The following SNX19 variants were observed in gnomAD, a reference collection of about 807,000 sequenced individuals.
SNX19 encodes the protein sorting nexin-19.
A neutral mutation model predicts 85.2 loss-of-function variants in SNX19; 60 were observed. The observed-to-expected ratio is 0.70, with a 90% CI of 0.57 to 0.87. The LOEUF is 0.87. Among genes scored for constraint, SNX19 ranks in the 40% least tolerant of loss-of-function variants. The pLI, the probability that SNX19 is intolerant of heterozygous loss-of-function variation, is 0.00. For synonymous variants in SNX19, 520 were observed against 470.0 expected, an observed-to-expected ratio of 1.11 and a Z score of -1.38; for missense variants, 1,201 against 1,217.8, an observed-to-expected ratio of 0.99 and a Z score of 0.21.
chr11:130,880,764 G>A lies in SNX19; in HGVS notation c.2616C>T (p.Arg872=). 1 of 1,596,300 alleles carries A rather than the reference G, an allele frequency of 6.3e-7. No individual in the cohort carries two copies. ...GAAGAAGCAGGAGGTACTGCACCCA[G>A]CGCTGTGGACTTGTTAAATTAGCTA... ...VQVANLTSPQ[R]WVQYLLLLQE... Residue 872 remains arginine (R), a synonymous_variant, in exon 9 of 11, where the codon CGC becomes CGT. Coordinates refer to ENST00000265909, the MANE Select transcript of SNX19 (RefSeq NM_014758.3).
At chr11:130,881,631 C>T (rs1054514647) in intron 8 of SNX19, among the ~76,000 whole-genome samples, 5 of 152,296 alleles carry the variant, frequency 3.3e-5, no homozygotes, top group Admixed American at 2.6e-4. Flanking sequence ...TAGGGATTTC[C>T]TACATCTGCC....
rs972365556 is a variant in SNX19, at chr11:130,903,259, G to C, written c.2569C>G (p.Gln857Glu). The C allele has an allele frequency of 1.2e-6, 2 of 1,613,436 alleles. No homozygotes were observed. Among genetic ancestry groups the C allele is most frequent in the African/African-American group, 2.7e-5 (2 of 74,870 alleles). Residue 857 changes from glutamine (Q) to glutamate (E), a missense_variant, in exon 8 of 11, where the codon CAA becomes GAA. Physicochemically the swap from Gln to Glu is conservative, Grantham distance 29. This residue lies in a region of SNX19 where 285 missense variants were observed against 295.3 expected (regional missense o/e 0.97). Coordinates refer to ENST00000265909, the MANE Select transcript of SNX19 (RefSeq NM_014758.3). Reference sequence around the variant, plus strand: ...GGGAGAATTCAGCAGTCTTACCTTTGAACTAGGGTCCCAAAGATAAGACGA... The same window carrying C: ...GGGAGAATTCAGCAGTCTTACCTTTCAACTAGGGTCCCAAAGATAAGACGA... ...FLRLIFGTLV[Q>E]RWLEVQVANL...
At chr11:130,910,214 T>C (rs1945993105) in intron 3 of SNX19, 56 bp downstream of exon 3, 3 of 1,612,380 alleles carry the variant, frequency 1.9e-6, no homozygotes, top group African/African-American at 2.7e-5. Flanking sequence ...TTGGGTGTTC[T>C]GGGGTTAGAC....
chr11:130,867,283 A>G lies in SNX19; in HGVS notation c.*11139T>C, dbSNP rs1165756181. 1 of 152,246 alleles carries G rather than the reference A, an allele frequency of 6.6e-6. No individual in the cohort carries two copies. The highest frequency in any genetic ancestry group is 2.4e-5 in the African/African-American group (1 of 41,468). The allele number at this position is 152,246 out of a possible 1,614,324, so 9.4% of individuals were successfully genotyped here. A position where few individuals can be genotyped will look rare whatever the true frequency, so the allele number is the denominator to read the frequency against. On this transcript the variant is annotated 3_prime_UTR_variant, in exon 11 of 11. Transcript: ENST00000265909. ...TTGGATATGAAATACTTTGTGATATAGAAAGTCCTATACATGTGTGAAGTC... is the reference window on the plus strand; with the variant it reads ...TTGGATATGAAATACTTTGTGATATGGAAAGTCCTATACATGTGTGAAGTC...
At position 130,910,049 on chromosome 11, in the gene SNX19, T is replaced by C; in HGVS notation, c.2003A>G (p.Lys668Arg). The C allele has an allele frequency of 1.9e-6, 3 of 1,613,998 alleles. No individual in the cohort carries two copies. The highest frequency in any genetic ancestry group is 1.7e-6 in the Non-Finnish European group (2 of 1,180,024). Residue 668 changes from lysine (K) to arginine (R), a missense_variant, in exon 4 of 11, where the codon AAG (lysine) becomes AGG (arginine). Lys to Arg is a conservative substitution (Grantham distance 26). Around this residue, in one of 3 missense-constraint regions of SNX19, gnomAD observed 125 missense variants for 171.6 expected, o/e 0.73. Coordinates refer to ENST00000265909, the MANE Select transcript of SNX19 (RefSeq NM_014758.3). ...LNTDARIAFV[K>R]KPFMVSRIDK... Reference sequence around the variant, plus strand: ...TATTCTAGAGACCATAAATGGTTTCTTGACAAAGGCAATACGAGCATCTGT... The same window carrying C: ...TATTCTAGAGACCATAAATGGTTTCCTGACAAAGGCAATACGAGCATCTGT...
chr11:130,879,806 A>T lies in SNX19; in HGVS notation c.2759-95T>A, dbSNP rs1018210462. 8.6e-6 allele frequency: 10 copies of T among 1,158,642 alleles called. No homozygotes were observed. In the South Asian group the frequency reaches 1.3e-4, roughly 15 times the overall value. The allele number at this position is 1,158,642 out of a possible 1,614,324, so 71.8% of individuals were successfully genotyped here. On this transcript the variant is annotated intron_variant, in intron 9 of 10. Coordinates refer to ENST00000265909, the MANE Select transcript of SNX19 (RefSeq NM_014758.3). ...CCCAGGATCTCTGCCGTTTTTACAT[A>T]GGTTAGGTATTTCAGGCCTACCTCT...
At chr11:130,879,582 G>A (rs1421803505) in intron 10 of SNX19, 42 bp downstream of exon 10, 4 of 1,546,176 alleles carry the variant, frequency 2.6e-6, no homozygotes, top group Non-Finnish European at 8.9e-7. Flanking sequence ...ACCAGAGGTG[G>A]CTGTAACTAT....
In SNX19 at chr11:130,878,156, T is replaced by C; in HGVS notation, c.*266A>G. On this transcript the variant is annotated 3_prime_UTR_variant, in exon 11 of 11. Coordinates refer to ENST00000265909, the MANE Select transcript of SNX19 (RefSeq NM_014758.3). ...GGGGTTCATTCCTCTACCTCACAGC[T>C]TCTTTTCCCAAAGGAAACAGGATCT... The C allele has an allele frequency of 3.3e-6, 1 of 306,188 alleles. No individual in the cohort carries two copies. The highest frequency in any genetic ancestry group is 9.0e-5 in the South Asian group (1 of 11,058). 19.0% of individuals were successfully genotyped at this position (306,188 alleles called of 1,614,324 possible).
intron 8 of SNX19, among the ~76,000 whole-genome samples, chr11:130,883,881 A>C (rs1190370865): frequency 6.6e-6 from 1 of 152,224 alleles, no homozygotes; most frequent in Non-Finnish European, 1.5e-5. Flanking sequence ...TCACCACCAC[A>C]ACTGCCACTG....
rs557315241 is a variant in SNX19, at chr11:130,887,955, G to T, written c.2574-7149C>A. Among the ~76,000 whole-genome samples the T allele has an allele frequency of 5.9e-5, 9 of 152,266 alleles. No homozygotes were observed. In the South Asian group the frequency reaches 1.9e-3, roughly 32 times the overall value. ...TGTGACCTGACCAGCAAAGAACATA[G>T]GGGATTGAGCCTTCCTTTAGATTTA... On this transcript the variant is annotated intron_variant, in intron 8 of 10. Coordinates refer to ENST00000265909, the MANE Select transcript of SNX19 (RefSeq NM_014758.3).
rs1946414746 is a variant in SNX19, at chr11:130,914,754, C to CA, written c.1185dup (p.Asp396Ter). On this transcript the variant is annotated frameshift_variant, in exon 1 of 11. Transcript: ENST00000265909. LOFTEE classifies it high-confidence loss of function. ...GCACACAGGGCATCCTGAATCCTGT[C>CA]AGAGAGAAAGCTGCCTGGAGTCATG... The CA allele has an allele frequency of 6.2e-7, 1 of 1,614,138 alleles. No homozygotes were observed. The highest frequency in any genetic ancestry group is 1.7e-5 in the Admixed American group (1 of 60,016).
intron 8 of SNX19, among the ~76,000 whole-genome samples, chr11:130,897,307 T>A (rs1379283542): frequency 1.3e-5 from 2 of 152,108 alleles, no homozygotes; most frequent in Non-Finnish European, 2.9e-5. Context: ...TCCCCCTGGC[T>A]TTCTGCCAAG....
In SNX19 at chr11:130,880,810, T is replaced by C. The variant is rs759706243; in HGVS notation, c.2574-4A>G. ...AGCTACCTGCACCTCTAGCCACCTG[T>C]GGTAGAAGAGAGACGAAAGCTTAGA... On this transcript the variant is annotated splice_region_variant and splice_polypyrimidine_tract_variant and intron_variant, in intron 8 of 10. Coordinates refer to ENST00000265909, the MANE Select transcript of SNX19 (RefSeq NM_014758.3). 14 of 1,548,004 alleles carry C rather than the reference T, an allele frequency of 9.0e-6. No individual in the cohort carries two copies. In the South Asian group the frequency reaches 1.5e-4, roughly 16 times the overall value.
intron 8 of SNX19, among the ~76,000 whole-genome samples, chr11:130,884,739 G>A (rs990864116): frequency 2.6e-5 from 4 of 151,654 alleles, no homozygotes; most frequent in Middle Eastern, 3.2e-3. Context: ...GCACGGTGGC[G>A]CACGCCTGTA....
intron 8 of SNX19, among the ~76,000 whole-genome samples, chr11:130,893,233 C>A (rs1302989189): frequency 1.3e-5 from 2 of 152,090 alleles, no homozygotes; most frequent in African/African-American, 4.8e-5. Flanking sequence ...AAGGGGCTGA[C>A]CTCCAAATTT....
intron 7 of SNX19, among the ~76,000 whole-genome samples, chr11:130,904,694 A>ATTTT (rs34208870): frequency 2.0e-5 from 3 of 148,776 alleles, no homozygotes; most frequent in African/African-American, 2.5e-5. Context: ...AAAATGGTAG[A>ATTTT]TTTTTTTTTG....
chr11:130,882,789 T>C (rs1943774268), intron 8 of SNX19, among the ~76,000 whole-genome samples: 2 of 152,182 alleles, frequency 1.3e-5, no homozygotes, highest in Admixed American at 1.3e-4. Flanking sequence ...TCTCCTTTCT[T>C]CACCTCAAGC....
Position 130,905,995 on chromosome 11 carries a change from C to G in SNX19, c.2401G>C (p.Asp801His). 1.2e-6 allele frequency: 2 copies of G among 1,614,214 alleles called. No homozygotes were observed. The highest frequency in any genetic ancestry group is 1.3e-5 in the African/African-American group (1 of 75,052). The change falls in exon 7 of 11, where the codon GAT (aspartate) becomes CAT (histidine). Residue 801 changes from aspartate to histidine, a missense_variant. Around this residue, in one of 3 missense-constraint regions of SNX19, gnomAD observed 285 missense variants for 295.3 expected, o/e 0.97. Transcript: ENST00000265909. ...PKGRVDSCVS[D>H]AAVPAQDPSN... ...GGGTCTTGGGCTGGCACGGCTGCAT[C>G]TGACACGCAACTGTCCACACGTCCT...
chr11:130,903,107 C>T (rs1043067072), intron 8 of SNX19, 148 bp downstream of exon 8: 7 of 1,116,692 alleles, frequency 6.3e-6, no homozygotes, highest in Non-Finnish European at 8.9e-6. Context: ...CTTTCTGATA[C>T]TCTCAAGGCA....
Sources: gnomAD v4.1 joint callset for allele counts (sites outside exome capture counted in the v4.1 genomes callset) on GRCh38, gnomAD v4.1.1 for gene constraint, gnomAD v4.1.1 regional missense constraint, MANE v1.5 for transcripts, NCBI Gene and HGNC (gene_info 2026-07-23, HGNC 2026-07-21) for gene names.